Variants in NAALADL2 observed in about 807,000 individuals in gnomAD.
The protein encoded by NAALADL2 is inactive N-acetylated-alpha-linked acidic dipeptidase-like protein 2.
NAALADL2 carries 76 observed loss-of-function variants against 87.2 expected under a neutral mutation model. The observed-to-expected ratio is 0.87, with a 90% CI of 0.72 to 1.05. The LOEUF is 1.05. NAALADL2 is among the 50% of genes least tolerant of loss of function. NAALADL2 has a pLI of 0.00. For synonymous variants in NAALADL2, 354 were observed against 331.0 expected (o/e 1.07, Z -0.75); for missense variants, 1,089 against 945.8 (o/e 1.15, Z -1.99).
chr3:175,659,712 T>G (rs1287440762), intron 11 of NAALADL2, among the ~76,000 whole-genome samples: 2 of 152,206 alleles, frequency 1.3e-5, no homozygotes, highest in Non-Finnish European at 1.5e-5. Flanking sequence ...GTCTTAATCT[T>G]CAATCAGATG....
chr3:174,884,251 C>T (rs1473190646), intron 1 of NAALADL2, among the ~76,000 whole-genome samples: 3 of 152,116 alleles, frequency 2.0e-5, no homozygotes, highest in Non-Finnish European at 4.4e-5. Flanking sequence ...AACCCATGAA[C>T]CCTGGCCATG....
At chr3:175,688,541 C>A (rs1736618538) in intron 11 of NAALADL2, among the ~76,000 whole-genome samples, 1 of 152,080 alleles carries the variant, frequency 6.6e-6, no homozygotes, top group South Asian at 2.1e-4. Flanking sequence ...AATGTCAATT[C>A]CTTGCTGTTC....
chr3:174,789,844 T>C (rs1032369654), intron 3 of NAALADL2, among the ~76,000 whole-genome samples: 4 of 152,154 alleles, frequency 2.6e-5, no homozygotes, highest in African/African-American at 7.2e-5. Context: ...TGAAAACAGA[T>C]AGAAGAACAA....
In NAALADL2 at chr3:174,696,593, T is replaced by TA. The variant is rs62946360; in HGVS notation, c.-114-41024dup. On this transcript the variant is annotated intron_variant, in intron 2 of 3. Coordinates refer to the NAALADL2 transcript ENST00000434257. ...TAGGGGTCAGGCAGGTGTAGTTATC[T>TA]AAAAAAAAAAAAAAAAAAAAAAAAG... 9.6e-3 allele frequency among the ~76,000 whole-genome samples: 1,053 copies of TA among 110,214 alleles called. 30 individuals carry two copies. The highest frequency in any genetic ancestry group is 0.025 in the African/African-American group (664 of 26,184). 72.3% of individuals were successfully genotyped at this position (110,214 alleles called of 152,430 possible).
At chr3:175,734,069 C>T (rs1481412007) in intron 11 of NAALADL2, among the ~76,000 whole-genome samples, 1 of 152,182 alleles carries the variant, frequency 6.6e-6, no homozygotes, top group Non-Finnish European at 1.5e-5. Context: ...GTTGGTGGAT[C>T]TACCATTCTG....
chr3:175,048,934 C>A (rs1180806876), intron 1 of NAALADL2, among the ~76,000 whole-genome samples: 1 of 152,018 alleles, frequency 6.6e-6, no homozygotes, highest in Non-Finnish European at 1.5e-5. Flanking sequence ...TTTAGACAAA[C>A]CACTTAGTTT....
intron 4 of NAALADL2, among the ~76,000 whole-genome samples, chr3:175,323,700 T>G (rs1480653272): frequency 1.3e-5 from 2 of 150,050 alleles, no homozygotes; most frequent in African/African-American, 4.9e-5. Flanking sequence ...CTGGGCTTGA[T>G]AGAAATCTAA....
chr3:175,671,899 C>T (rs1007398839), intron 11 of NAALADL2, among the ~76,000 whole-genome samples: 39 of 151,882 alleles, frequency 2.6e-4, no homozygotes, highest in Admixed American at 6.6e-5. Flanking sequence ...TTAAATTATT[C>T]TAATTCATTA....
intron 11 of NAALADL2, among the ~76,000 whole-genome samples, chr3:175,647,281 A>G (rs1730144854): frequency 6.6e-6 from 1 of 152,108 alleles, no homozygotes; most frequent in Admixed American, 6.6e-5. Context: ...AATTTTTGCC[A>G]GAATTACTAG....
At chr3:175,163,489 G>T (rs1421798467) in intron 2 of NAALADL2, among the ~76,000 whole-genome samples, 3 of 151,852 alleles carry the variant, frequency 2.0e-5, no homozygotes, top group Admixed American at 1.3e-4. Context: ...CCAAGCAGAA[G>T]CAAATTAATG....
At chr3:175,440,439 A>T (rs1255064141) in intron 5 of NAALADL2, among the ~76,000 whole-genome samples, 1 of 152,060 alleles carries the variant, frequency 6.6e-6, no homozygotes, top group Non-Finnish European at 1.5e-5. Context: ...TGGTATTTTG[A>T]TCGAAATTAC....
intron 4 of NAALADL2, among the ~76,000 whole-genome samples, chr3:175,258,694 C>T (rs1280014318): frequency 4.6e-5 from 7 of 152,014 alleles, no homozygotes; most frequent in African/African-American, 1.7e-4. Context: ...AGCTGCATGC[C>T]TGGTGACTGG....
intron 2 of NAALADL2, among the ~76,000 whole-genome samples, chr3:175,200,656 C>T (rs1431231045): frequency 1.3e-5 from 2 of 152,178 alleles, no homozygotes; most frequent in African/African-American, 4.8e-5. Context: ...AAGCTAATGA[C>T]TTTGATTGCC....
Position 174,938,884 on chromosome 3 carries a change from T to C in NAALADL2, c.43+79434T>C, listed in dbSNP as rs187431110. On this transcript the variant is annotated intron_variant, in intron 1 of 13. Coordinates refer to ENST00000454872, the MANE Select transcript of NAALADL2 (RefSeq NM_207015.3). ...AATGAGGTTGTTTGTTTTTCTCTTGTAAATTTGTTTAAGTTCCTTATAGAA... is the reference window on the plus strand; with the variant it reads ...AATGAGGTTGTTTGTTTTTCTCTTGCAAATTTGTTTAAGTTCCTTATAGAA... Among the ~76,000 whole-genome samples, 525 of 152,278 alleles carry C rather than the reference T, an allele frequency of 3.4e-3. 4 individuals carry two copies. The highest frequency in any genetic ancestry group is 0.02 in the Middle Eastern group (6 of 294).
At chr3:174,817,197 A>C (rs1227719311) in intron 3 of NAALADL2, among the ~76,000 whole-genome samples, 1 of 152,238 alleles carries the variant, frequency 6.6e-6, no homozygotes, top group African/African-American at 2.4e-5. Context: ...AAAATAACCC[A>C]CAATCTTAAT....
At chr3:174,815,842 T>TTG (rs1553863600) in intron 3 of NAALADL2, among the ~76,000 whole-genome samples, 1 of 149,500 alleles carries the variant, frequency 6.7e-6, no homozygotes, top group Non-Finnish European at 1.5e-5. Context: ...TTTTTTTTTT[T>TTG]TTTTTTTTTT....
At chr3:175,133,520 G>C (rs947342500) in intron 2 of NAALADL2, among the ~76,000 whole-genome samples, 5 of 152,224 alleles carry the variant, frequency 3.3e-5, no homozygotes, top group African/African-American at 1.2e-4. Context: ...AGGAGCTGGA[G>C]ACCAGCCCGG....
Position 175,762,900 on chromosome 3 carries a change from C to T in NAALADL2, c.2189+7482C>T, listed in dbSNP as rs1229763922. 2.0e-5 allele frequency among the ~76,000 whole-genome samples: 3 copies of T among 151,892 alleles called. No individual in the cohort carries two copies. In the East Asian group the frequency reaches 5.8e-4, roughly 30 times the overall value. On this transcript the variant is annotated intron_variant, in intron 13 of 13. Transcript: ENST00000454872. ...GAGACCGAGACCATCCTGGCTAACA[C>T]GGTGAAACCCCGTCTCTACTAAAAA...
chr3:175,460,188 A>G (rs1351920447), intron 6 of NAALADL2: 3 of 456,494 alleles, frequency 6.6e-6, no homozygotes, highest in South Asian at 4.7e-5. Flanking sequence ...GTGTCTTTAG[A>G]GCAAGTTTAT....
Sources: allele counts gnomAD v4.1 joint callset (sites outside exome capture counted in the v4.1 genomes callset), GRCh38; gene constraint gnomAD v4.1.1; transcripts MANE v1.5; gene names NCBI Gene and HGNC (gene_info 2026-07-23, HGNC 2026-07-21).